Variants in MECOM observed in about 807,000 individuals in gnomAD.
MECOM encodes the protein histone-lysine N-methyltransferase MECOM.
In MECOM, 13 loss-of-function variants were observed where a neutral mutation model predicts 116.3. The observed-to-expected ratio is 0.11, with a 90% CI of 0.07 to 0.18. The LOEUF (loss-of-function observed/expected upper bound fraction) is 0.18. MECOM is among the 10% of genes least tolerant of loss of function. The pLI is 1.00. For missense variants in MECOM, 1,299 were observed against 1,509.0 expected, an observed-to-expected ratio of 0.86 and a Z score of 2.31; for synonymous variants, 528 against 535.2, an observed-to-expected ratio of 0.99 and a Z score of 0.19.
At position 169,611,934 on chromosome 3, in the gene MECOM, A is replaced by G. The variant is rs1769327334; in HGVS notation, c.37+51402T>C. ...GTTTCTAAATCTCAACGCTATTGAC[A>G]TTTTGAGCCAGATAATTCTTTGTGA... On this transcript the variant is annotated intron_variant, in intron 1 of 16. Transcript: ENST00000651503. The surrounding 1 kb of genome is among the most constrained non-coding windows in gnomAD (Gnocchi z 4.1). 6.6e-6 allele frequency among the ~76,000 whole-genome samples: 1 copy of G among 152,176 alleles called. No individual in the cohort carries two copies. The highest frequency in any genetic ancestry group is 1.5e-5 in the Non-Finnish European group (1 of 68,026).
intron 1 of MECOM, among the ~76,000 whole-genome samples, chr3:169,461,434 T>G (rs1252217193): frequency 6.6e-6 from 1 of 152,186 alleles, no homozygotes; most frequent in Non-Finnish European, 1.5e-5. Context: ...TCTAGAATTT[T>G]AGGACTGCAA....
intron 2 of MECOM, among the ~76,000 whole-genome samples, chr3:169,297,551 A>G (rs1242748071): frequency 6.6e-6 from 1 of 152,018 alleles, no homozygotes; most frequent in African/African-American, 2.4e-5. Flanking sequence ...AACAGAAGCA[A>G]CAGCACTGAG....
chr3:169,132,755 C>CT (rs371541265), intron 3 of MECOM, among the ~76,000 whole-genome samples: 43,370 of 139,084 alleles, frequency 0.31, 7,077 homozygotes, highest in African/African-American at 0.41. Flanking sequence ...TTTTTCTTTT[C>CT]TTTTTTTTTT....
chr3:169,478,258 A>G (rs190184959), intron 1 of MECOM, among the ~76,000 whole-genome samples: 20 of 152,314 alleles, frequency 1.3e-4, no homozygotes, highest in African/African-American at 4.8e-4. Flanking sequence ...ATTTCCTTAT[A>G]GAAAAGTATT....
chr3:169,542,456 T>C (rs961631194), intron 1 of MECOM, among the ~76,000 whole-genome samples: 4 of 152,208 alleles, frequency 2.6e-5, no homozygotes, highest in Non-Finnish European at 5.9e-5. Flanking sequence ...CAGGGGACTC[T>C]AGGAGCCAAT....
chr3:169,135,017 A>G (rs1735922967), intron 3 of MECOM, among the ~76,000 whole-genome samples: 1 of 152,074 alleles, frequency 6.6e-6, no homozygotes, highest in Non-Finnish European at 1.5e-5. Context: ...ACATATTTGT[A>G]TATAATAAGT....
In MECOM at chr3:169,195,157, A is replaced by G. The variant is rs1462029308; in HGVS notation, c.376-51325T>C. Among the ~76,000 whole-genome samples, 6 of 152,084 alleles carry G rather than the reference A, an allele frequency of 3.9e-5. 1 individual carries two copies. The South Asian group carries it at 1.2e-3, about 31-fold the overall frequency. On this transcript the variant is annotated intron_variant, in intron 2 of 16. Transcript: ENST00000651503. ...CTTGCAAGAACCTTGTAAAACAAAT[A>G]TACCTATTTTAGCTAATCCCGGATC...
intron 1 of MECOM, among the ~76,000 whole-genome samples, chr3:169,419,091 T>C (rs532310134): frequency 2.0e-5 from 3 of 152,306 alleles, no homozygotes; most frequent in African/African-American, 7.2e-5. Context: ...AGCATTCCTA[T>C]ACACCAATAA....
At chr3:169,463,985 C>G (rs770868583) in intron 1 of MECOM, 1 of 152,052 alleles carries the variant, frequency 6.6e-6, no homozygotes, top group Non-Finnish European at 1.5e-5. Context: ...CCTTAATCTG[C>G]GAAGTTTCTG....
At position 169,115,638 on chromosome 3, in the gene MECOM, G is replaced by T. The variant is rs1384849726; in HGVS notation, c.2234C>A (p.Thr745Asn). 6.2e-7 allele frequency: 1 copy of T among 1,614,112 alleles called. No individual in the cohort carries two copies. The highest frequency in any genetic ancestry group is 2.2e-5 in the East Asian group (1 of 44,864). ...GGGCTTCTCATCCTTTCGCTTAGTG[G>T]TGAGATCAAAGGGGGACTCAGAGCT... ...KGSSESPFDLTTKRKDEKPLT... is the reference protein window; with the variant it reads ...KGSSESPFDLNTKRKDEKPLT... The change falls in exon 8 of 17, where the codon ACC becomes AAC. Residue 745 changes from threonine to asparagine, a missense_variant. Physicochemically the swap from Thr to Asn is moderately conservative, Grantham distance 65. Transcript: ENST00000651503.
intron 1 of MECOM, chr3:169,389,478 G>T: frequency 1.3e-6 from 1 of 767,316 alleles, no homozygotes; most frequent in Non-Finnish European, 1.6e-6. Flanking sequence ...CAGATAGATA[G>T]TTTTTCTTTT....
Position 169,316,264 on chromosome 3 carries a change from C to T in MECOM, c.375+64923G>A, listed in dbSNP as rs760098448. The stretch of plus-strand genomic sequence containing the variant: ...AAATAAACACACAGCTCAGAAACAA[C>T]GCAGAAGAATTAAAACACCCTCTCA... On this transcript the variant is annotated intron_variant, in intron 2 of 16. Coordinates refer to ENST00000651503, the MANE Select transcript of MECOM (RefSeq NM_004991.4). Among the ~76,000 whole-genome samples the T allele has an allele frequency of 2.0e-4, 30 of 152,268 alleles. 1 individual carries two copies. Among genetic ancestry groups the T allele is most frequent in the Middle Eastern group, 6.8e-3 (2 of 294 alleles).
chr3:169,431,206 C>T (rs952894953), intron 1 of MECOM, among the ~76,000 whole-genome samples: 1 of 152,144 alleles, frequency 6.6e-6, no homozygotes, highest in Admixed American at 6.5e-5. Flanking sequence ...GTTAGACAAA[C>T]CCAAAGTCAT....
At chr3:169,306,231 TATTA>T (rs1471675406) in intron 2 of MECOM, among the ~76,000 whole-genome samples, 4 of 152,190 alleles carry the variant, frequency 2.6e-5, no homozygotes, top group Admixed American at 6.5e-5. Flanking sequence ...AATAGATTTT[TATTA>T]ATTAATATAT....
intron 1 of MECOM, among the ~76,000 whole-genome samples, chr3:169,525,786 T>C (rs1757896126): frequency 6.6e-6 from 1 of 152,204 alleles, no homozygotes; most frequent in East Asian, 1.9e-4. Context: ...CCTAGCACTT[T>C]GGGAGGCCGA....
At chr3:169,369,384 T>A (rs1056609784) in intron 2 of MECOM, among the ~76,000 whole-genome samples, 2 of 147,868 alleles carry the variant, frequency 1.4e-5, no homozygotes, top group African/African-American at 5.0e-5. Flanking sequence ...TCTTGCTTTG[T>A]TGCCCAGGCT....
intron 2 of MECOM, among the ~76,000 whole-genome samples, chr3:169,221,072 A>AT (rs776380790): frequency 9.8e-5 from 15 of 152,324 alleles, no homozygotes; most frequent in Admixed American, 4.6e-4. Context: ...TATGCCTTGT[A>AT]TTGGTTGCAT....
Position 169,502,139 on chromosome 3 carries a change from T to C in MECOM, c.38-120615A>G, listed in dbSNP as rs867370785. 2.6e-5 allele frequency among the ~76,000 whole-genome samples: 4 copies of C among 152,114 alleles called. No individual in the cohort carries two copies. In the South Asian group the frequency reaches 8.3e-4, roughly 31 times the overall value. ...CTTCCTTTTCCTACAGTGCTCTGAT[T>C]TCCTTTTGAATATTCACCTGTTACT... On this transcript the variant is annotated intron_variant, in intron 1 of 16. Coordinates refer to ENST00000651503, the MANE Select transcript of MECOM (RefSeq NM_004991.4).
At chr3:169,387,295 T>C (rs1733499608) in intron 1 of MECOM, among the ~76,000 whole-genome samples, 1 of 152,256 alleles carries the variant, frequency 6.6e-6, no homozygotes, top group Non-Finnish European at 1.5e-5. Context: ...TGAGCGCCTG[T>C]GAACGGCAGG....
Sources: gnomAD v4.1 joint callset for allele counts (sites outside exome capture counted in the v4.1 genomes callset) on GRCh38, gnomAD v4.1.1 for gene constraint, Gnocchi (gnomAD v3.1) non-coding constraint, MANE v1.5 for transcripts, NCBI Gene and HGNC (gene_info 2026-07-23, HGNC 2026-07-21) for gene names.